Variants in SGSM1 observed in about 807,000 individuals in gnomAD.
The protein encoded by SGSM1 is RUN and TBC1 domain containing 2.
Under a neutral mutation model 133.8 loss-of-function variants are expected in SGSM1, and 73 were observed. That is an observed-to-expected ratio of 0.55 (90% CI 0.45 to 0.66). SGSM1 has a LOEUF of 0.66. Ranked by LOEUF, SGSM1 falls within the 30% of genes least tolerant of loss-of-function variation. SGSM1 has a pLI of 0.00. For missense variants in SGSM1, 1,213 were observed against 1,448.1 expected, an observed-to-expected ratio of 0.84 and a Z score of 2.64; for synonymous variants, 563 against 573.0, an observed-to-expected ratio of 0.98 and a Z score of 0.25.
intron 2 of SGSM1, among the ~76,000 whole-genome samples, chr22:24,821,145 T>C (rs560916370): frequency 2.2e-4 from 34 of 152,318 alleles, no homozygotes; most frequent in African/African-American, 7.9e-4. Context: ...CAAGCGATTC[T>C]CCTGCCTCAG....
At chr22:24,840,812 T>A (rs546798871) in intron 2 of SGSM1, among the ~76,000 whole-genome samples, 1 of 152,276 alleles carries the variant, frequency 6.6e-6, no homozygotes, top group South Asian at 2.1e-4. Flanking sequence ...CAGCCCATAT[T>A]GTGTTTTTGT....
In SGSM1 at chr22:24,907,371, G is replaced by A. The variant is rs567519398; in HGVS notation, c.2818+2184G>A. On this transcript the variant is annotated intron_variant, in intron 21 of 24. Coordinates refer to ENST00000400358, the MANE Select transcript of SGSM1 (RefSeq NM_001098497.3). ...AGATTTGTACATTGAAAACTACAAG[G>A]CATTGTTGAAATAAATTTTAAAAAC... is the stretch of plus-strand genomic sequence containing the variant. Among the ~76,000 whole-genome samples the A allele has an allele frequency of 2.1e-3, 315 of 152,006 alleles. 3 individuals carry two copies. Among genetic ancestry groups the A allele is most frequent in the African/African-American group, 6.7e-3 (279 of 41,478 alleles).
chr22:24,877,478 G>A (rs1404794681), intron 13 of SGSM1, among the ~76,000 whole-genome samples: 2 of 152,094 alleles, frequency 1.3e-5, no homozygotes, highest in Non-Finnish European at 2.9e-5. Flanking sequence ...GCCAATTCAT[G>A]AGACTGATCT....
chr22:24,865,128 T>C (rs1660398677), intron 9 of SGSM1, among the ~76,000 whole-genome samples: 1 of 152,236 alleles, frequency 6.6e-6, no homozygotes, highest in Non-Finnish European at 1.5e-5. Context: ...TCCTCCTTGC[T>C]GATGGCTGGT....
chr22:24,917,009 G>T (rs1433488500), intron 22 of SGSM1, among the ~76,000 whole-genome samples: 1 of 151,258 alleles, frequency 6.6e-6, no homozygotes, highest in Non-Finnish European at 1.5e-5. Context: ...CTCCTGAGTA[G>T]CTGGGACTAC....
chr22:24,810,455 C>A (rs1353736662), intron 2 of SGSM1, among the ~76,000 whole-genome samples: 1 of 152,004 alleles, frequency 6.6e-6, no homozygotes, highest in Non-Finnish European at 1.5e-5. Context: ...TCCTTCCTGG[C>A]TTCCTTTACC....
chr22:24,823,967 C>T, intron 2 of SGSM1, among the ~76,000 whole-genome samples: 1 of 152,258 alleles, frequency 6.6e-6, no homozygotes, highest in East Asian at 1.9e-4. Context: ...CTGATATCAC[C>T]CATTTCACAG....
intron 2 of SGSM1, among the ~76,000 whole-genome samples, chr22:24,840,534 G>T (rs531146620): frequency 7.7e-4 from 116 of 151,592 alleles, no homozygotes; most frequent in Non-Finnish European, 1.4e-3. Context: ...GTAGAGACAG[G>T]GTTTCACCAT....
chr22:24,924,208 C>G lies in SGSM1; in HGVS notation c.3216C>G (p.Thr1072=), dbSNP rs1182976170. Residue 1072 remains threonine, a synonymous_variant, in exon 25 of 25, where the codon ACC becomes ACG. Transcript: ENST00000400358. ...FFNEMAERHN[T]KQVLKLARDL... is the part of the protein sequence containing the mutation. ...CAGAAATGGCTGAGCGACACAACAC[C>G]AAGCAAGTCCTGAAGCTGGCGCGGG... is the stretch of plus-strand genomic sequence containing the variant. 6.2e-7 allele frequency: 1 copy of G among 1,613,836 alleles called. No individual in the cohort carries two copies. Among genetic ancestry groups the G allele is most frequent in the Non-Finnish European group, 8.5e-7 (1 of 1,179,894 alleles).
chr22:24,863,520 T>G (rs1301265385), intron 9 of SGSM1, among the ~76,000 whole-genome samples: 1 of 152,104 alleles, frequency 6.6e-6, no homozygotes, highest in Non-Finnish European at 1.5e-5. Context: ...GCCCAGGAGC[T>G]GGGGCATCTC....
At chr22:24,878,974 T>C (rs1932172866) in intron 13 of SGSM1, among the ~76,000 whole-genome samples, 1 of 152,242 alleles carries the variant, frequency 6.6e-6, no homozygotes, top group African/African-American at 2.4e-5. Context: ...TCTTCAGCTC[T>C]TGGCTCTGCT....
chr22:24,862,686 A>G (rs963503214), intron 9 of SGSM1, among the ~76,000 whole-genome samples: 9 of 152,220 alleles, frequency 5.9e-5, no homozygotes, highest in African/African-American at 2.2e-4. Flanking sequence ...AAAGGAGGGG[A>G]AAATCTTTAC....
intron 9 of SGSM1, among the ~76,000 whole-genome samples, chr22:24,860,508 A>G (rs1342205901): frequency 6.6e-6 from 1 of 152,180 alleles, no homozygotes; most frequent in Non-Finnish European, 1.5e-5. Context: ...CTTTCCTAAA[A>G]AAACTTTCTA....
chr22:24,822,108 T>G (rs1289992958), intron 2 of SGSM1, among the ~76,000 whole-genome samples: 1 of 147,974 alleles, frequency 6.8e-6, no homozygotes, highest in Non-Finnish European at 1.5e-5. Context: ...TTTTTTTTTT[T>G]GAGACAGAGT....
At position 24,807,259 on chromosome 22, in the gene SGSM1, T is replaced by C. The variant is rs375727946; in HGVS notation, c.63+775T>C. On this transcript the variant is annotated intron_variant, in intron 2 of 24. Coordinates refer to ENST00000400358, the MANE Select transcript of SGSM1 (RefSeq NM_001098497.3). ...GCATCTCGATGCCTGGACTGCGTGC[T>C]CTGGTGTGTATACCTGCATGGGTGA... Among the ~76,000 whole-genome samples the C allele has an allele frequency of 4.7e-4, 72 of 152,282 alleles. 1 individual carries two copies. In the South Asian group the frequency reaches 0.014, roughly 29 times the overall value.
rs186179605 is a variant in SGSM1 at position 24,882,055 on chromosome 22, T to A, written c.1496-1998T>A. On this transcript the variant is annotated intron_variant, in intron 14 of 24. Coordinates refer to ENST00000400358, the MANE Select transcript of SGSM1 (RefSeq NM_001098497.3). ...CAGCTTCAATTTTTGTATTTTTTTT[T>A]ATTTAAATTTAAAATTTCTACTTTT... Among the ~76,000 whole-genome samples, 683 of 152,224 alleles carry A rather than the reference T, an allele frequency of 4.5e-3. 6 individuals are homozygous for A. Among genetic ancestry groups the A allele is most frequent in the African/African-American group, 0.014 (593 of 41,532 alleles).
intron 9 of SGSM1, among the ~76,000 whole-genome samples, chr22:24,863,373 G>T (rs138800331): frequency 0.022 from 3,364 of 152,234 alleles, 123 homozygotes; most frequent in African/African-American, 0.072. Flanking sequence ...TGGCCAGGAT[G>T]GTCTCGATCT....
intron 19 of SGSM1, among the ~76,000 whole-genome samples, chr22:24,901,609 A>G (rs1415988385): frequency 6.6e-6 from 1 of 152,104 alleles, no homozygotes; most frequent in Non-Finnish European, 1.5e-5. Flanking sequence ...ACTTCCAGCT[A>G]TAGTTGTAAC....
chr22:24,910,379 T>A (rs557031475), intron 21 of SGSM1, among the ~76,000 whole-genome samples: 1 of 152,212 alleles, frequency 6.6e-6, no homozygotes, highest in African/African-American at 2.4e-5. Flanking sequence ...GGGGGCTGGG[T>A]GCAATGGCTC....
Sources: gnomAD v4.1 joint callset for allele counts (sites outside exome capture counted in the v4.1 genomes callset) on GRCh38, gnomAD v4.1.1 for gene constraint, MANE v1.5 for transcripts, NCBI Gene and HGNC (gene_info 2026-07-23, HGNC 2026-07-21) for gene names.